Variants in CNTN4 observed in about 807,000 individuals in gnomAD.
CNTN4 encodes contactin 4, also known as contactin-4.
A neutral mutation model predicts 122.5 loss-of-function variants in CNTN4; 77 were observed. The observed-to-expected ratio is 0.63, with a 90% confidence interval of 0.52 to 0.76. The LOEUF (loss-of-function observed/expected upper bound fraction) is 0.76, where lower values mean the gene tolerates loss of function less well. Among genes scored for constraint, CNTN4 ranks in the 30% least tolerant of loss-of-function variants. The pLI is 0.00. For synonymous variants in CNTN4, 512 were observed against 447.0 expected (o/e 1.15, Z -1.83); for missense variants, 1,256 against 1,259.1 (o/e 1.00, Z 0.04).
intron 3 of CNTN4, among the ~76,000 whole-genome samples, chr3:2,398,794 C>T (rs762015072): frequency 6.6e-6 from 1 of 152,164 alleles, no homozygotes; most frequent in East Asian, 1.9e-4. Flanking sequence ...GACTTGATCC[C>T]AAATGATGGG....
chr3:2,236,138 T>A (rs976576658), intron 2 of CNTN4, among the ~76,000 whole-genome samples: 1 of 152,192 alleles, frequency 6.6e-6, no homozygotes, highest in Non-Finnish European at 1.5e-5. Context: ...AGCAGCAACA[T>A]AATCATAATC....
At chr3:2,204,547 A>G (rs904981954) in intron 2 of CNTN4, among the ~76,000 whole-genome samples, 4 of 152,224 alleles carry the variant, frequency 2.6e-5, no homozygotes, top group African/African-American at 9.6e-5. Context: ...TTGAAACTGT[A>G]CACAAAACTC....
chr3:2,654,518 A>G (rs1237260297), intron 4 of CNTN4, among the ~76,000 whole-genome samples: 1 of 152,110 alleles, frequency 6.6e-6, no homozygotes, highest in African/African-American at 2.4e-5. Context: ...CTTTTCTCCA[A>G]CACTTAATAA....
At chr3:2,511,737 T>A (rs1253742349) in intron 3 of CNTN4, 1 of 152,284 alleles carries the variant, frequency 6.6e-6, no homozygotes, top group East Asian at 1.9e-4. Flanking sequence ...TCCCTACAGC[T>A]CCATGTGAAT....
At chr3:2,312,609 A>T (rs11921678) in intron 2 of CNTN4, among the ~76,000 whole-genome samples, 27,645 of 152,034 alleles carry the variant, frequency 0.18, 2,907 homozygotes, top group East Asian at 0.47. Context: ...TGTGACACAG[A>T]TGGTTTGGTC....
chr3:2,722,804 C>G (rs1442684994), intron 4 of CNTN4, among the ~76,000 whole-genome samples: 3 of 152,144 alleles, frequency 2.0e-5, no homozygotes, highest in Non-Finnish European at 2.9e-5. Flanking sequence ...TTATGCTTGT[C>G]ATTTTGAAAG....
intron 4 of CNTN4, among the ~76,000 whole-genome samples, chr3:2,613,646 A>G (rs545645751): frequency 3.9e-5 from 6 of 152,268 alleles, no homozygotes; most frequent in South Asian, 2.1e-4. Context: ...AATTTTTGCT[A>G]TATGATCAGA....
chr3:2,459,130 T>C (rs1475640528), intron 3 of CNTN4, among the ~76,000 whole-genome samples: 1 of 152,100 alleles, frequency 6.6e-6, no homozygotes, highest in East Asian at 1.9e-4. Flanking sequence ...TGGCTTGCAG[T>C]CTCAGCAGAT....
At chr3:3,034,928 C>A in intron 17 of CNTN4, 138 bp downstream of exon 17, 2 of 923,602 alleles carry the variant, frequency 2.2e-6, no homozygotes, top group Admixed American at 1.8e-5. Flanking sequence ...AAACCTCGGC[C>A]AACTGTACTA....
At chr3:2,444,297 G>A (rs905531347) in intron 3 of CNTN4, among the ~76,000 whole-genome samples, 1 of 151,808 alleles carries the variant, frequency 6.6e-6, no homozygotes, top group African/African-American at 2.4e-5. Context: ...AGGCAGAGTA[G>A]AAATAGAGAA....
At chr3:2,883,983 T>G (rs2093940918) in intron 9 of CNTN4, among the ~76,000 whole-genome samples, 2 of 152,218 alleles carry the variant, frequency 1.3e-5, no homozygotes, top group Non-Finnish European at 2.9e-5. Flanking sequence ...TTTGACATCT[T>G]CTTTGGATTT....
chr3:2,631,369 C>G (rs1310347820), intron 4 of CNTN4, among the ~76,000 whole-genome samples: 1 of 152,112 alleles, frequency 6.6e-6, no homozygotes, highest in Non-Finnish European at 1.5e-5. Flanking sequence ...CAGAGATTAG[C>G]TGGATGTTCA....
intron 2 of CNTN4, among the ~76,000 whole-genome samples, chr3:2,222,335 C>T (rs1205621069): frequency 2.6e-5 from 4 of 152,066 alleles, no homozygotes; most frequent in Non-Finnish European, 5.9e-5. Flanking sequence ...GACATGTCCA[C>T]ATTAGGCAAA....
At chr3:2,965,133 C>A (rs1435027787) in intron 13 of CNTN4, among the ~76,000 whole-genome samples, 2 of 152,256 alleles carry the variant, frequency 1.3e-5, no homozygotes, top group Non-Finnish European at 2.9e-5. Flanking sequence ...TACCTCTGTG[C>A]TCTCAGAATC....
At chr3:2,991,263 T>C (rs1695026889) in intron 14 of CNTN4, among the ~76,000 whole-genome samples, 1 of 152,048 alleles carries the variant, frequency 6.6e-6, no homozygotes. Context: ...CCTGGCCCAG[T>C]ACAAAAAGAG....
At chr3:2,698,403 T>A (rs1281029022) in intron 4 of CNTN4, among the ~76,000 whole-genome samples, 1 of 152,186 alleles carries the variant, frequency 6.6e-6, no homozygotes, top group Non-Finnish European at 1.5e-5. Flanking sequence ...TGAGGATTTA[T>A]GTTTTAGAGA....
chr3:2,354,473 G>A (rs768580028), intron 3 of CNTN4, among the ~76,000 whole-genome samples: 6 of 152,164 alleles, frequency 3.9e-5, no homozygotes, highest in Non-Finnish European at 5.9e-5. Flanking sequence ...GGAGGTTACC[G>A]TGAGCCCAGA....
intron 2 of CNTN4, among the ~76,000 whole-genome samples, chr3:2,164,670 A>G (rs1574975438): frequency 6.6e-6 from 1 of 152,202 alleles, no homozygotes; most frequent in Admixed American, 6.5e-5. Flanking sequence ...GAATTTGACT[A>G]TTATCCAGTT....
At chr3:2,366,453 C>T (rs1018859829) in intron 3 of CNTN4, among the ~76,000 whole-genome samples, 3 of 152,034 alleles carry the variant, frequency 2.0e-5, no homozygotes, top group African/African-American at 4.8e-5. Context: ...TAAGGCTGGA[C>T]GCAGTGGCTC....
Sources: gnomAD v4.1 joint callset for allele counts (sites outside exome capture counted in the v4.1 genomes callset) on GRCh38, gnomAD v4.1.1 for gene constraint, MANE v1.5 for transcripts, NCBI Gene and HGNC (gene_info 2026-07-23, HGNC 2026-07-21) for gene names.